The following CLEC6A variants were observed in gnomAD, a reference collection of about 807,000 sequenced individuals.
The protein encoded by CLEC6A is C-type lectin domain containing 6A, also known as C-type lectin domain family 6 member A.
Under a neutral mutation model 25.7 loss-of-function variants are expected in CLEC6A, and 22 were observed. That is an observed-to-expected ratio of 0.85 (90% CI 0.61 to 1.22). CLEC6A has a LOEUF of 1.22. Among genes scored for constraint, CLEC6A ranks in the 50% most tolerant of loss-of-function variants. The probability of loss-of-function intolerance (pLI) is 0.00; values close to 1 mark genes in which losing one functional copy is unlikely to be tolerated. For synonymous variants in CLEC6A, 92 were observed against 76.7 expected, an observed-to-expected ratio of 1.20 and a Z score of -1.04; for missense variants, 240 against 236.8, an observed-to-expected ratio of 1.01 and a Z score of -0.09.
rs144887652 is a variant in CLEC6A, at chr12:8,469,940, T to G, written c.369+4311T>G. Among the ~76,000 whole-genome samples the G allele has an allele frequency of 6.1e-3, 936 of 152,208 alleles. 5 individuals carry two copies. The highest frequency in any genetic ancestry group is 0.021 in the African/African-American group (877 of 41,532). Reference sequence around the variant, plus strand: ...TAAACAAAGATAAATAGCTGAGACTTAATTAAACTAAAAAGCTTTGCACAG... The same window carrying G: ...TAAACAAAGATAAATAGCTGAGACTGAATTAAACTAAAAAGCTTTGCACAG... On this transcript the variant is annotated intron_variant, in intron 4 of 5. Transcript: ENST00000382073.
intron 3 of CLEC6A, chr12:8,460,595 C>T (rs1309554127): frequency 1.8e-5 from 20 of 1,140,276 alleles, no homozygotes; most frequent in Middle Eastern, 5.7e-4. Context: ...TTCTGTCTGG[C>T]GGAAGCCATC....
chr12:8,467,430 C>T (rs895564363), intron 4 of CLEC6A, among the ~76,000 whole-genome samples: 2 of 152,138 alleles, frequency 1.3e-5, no homozygotes, highest in Non-Finnish European at 2.9e-5. Context: ...TTTCTAGCTC[C>T]ATTTGTTAAA....
intron 4 of CLEC6A, among the ~76,000 whole-genome samples, chr12:8,474,139 C>T (rs1939941184): frequency 6.6e-6 from 1 of 152,084 alleles, no homozygotes; most frequent in Admixed American, 6.6e-5. Flanking sequence ...GTCATAAATT[C>T]TTTCCTGAGG....
chr12:8,470,258 G>A (rs1939887633), intron 4 of CLEC6A, among the ~76,000 whole-genome samples: 1 of 152,088 alleles, frequency 6.6e-6, no homozygotes, highest in Non-Finnish European at 1.5e-5. Context: ...CTGCAAGAAT[G>A]GCCATAATCA....
At position 8,467,506 on chromosome 12, in the gene CLEC6A, G is replaced by C. The variant is rs1477010333; in HGVS notation, c.369+1877G>C. Among the ~76,000 whole-genome samples the C allele has an allele frequency of 2.7e-5, 4 of 145,708 alleles. No individual in the cohort carries two copies. In the East Asian group the frequency reaches 6.3e-4, roughly 23 times the overall value. Reference sequence around the variant, plus strand: ...TTGGAGACTATTTGACCATATATGTGAGTGTTTATTTCTGGACTCTCTATT... The same window carrying C: ...TTGGAGACTATTTGACCATATATGTCAGTGTTTATTTCTGGACTCTCTATT... On this transcript the variant is annotated intron_variant, in intron 4 of 5. Transcript: ENST00000382073.
At position 8,461,648 on chromosome 12, in the gene CLEC6A, A is replaced by C. The variant is rs757028604; in HGVS notation, c.223+1950A>C. 8.5e-5 allele frequency among the ~76,000 whole-genome samples: 13 copies of C among 152,350 alleles called. No individual in the cohort carries two copies. In the South Asian group the frequency reaches 1.5e-3, roughly 17 times the overall value. ...CAAATAAAAGTGCTCCAATTTTAAC[A>C]ACATCCTTTCAAATGATCATTACAA... On this transcript the variant is annotated intron_variant, in intron 3 of 5. Coordinates refer to ENST00000382073, the MANE Select transcript of CLEC6A (RefSeq NM_001007033.2).
intron 4 of CLEC6A, among the ~76,000 whole-genome samples, chr12:8,471,266 C>T (rs1414659190): frequency 6.6e-6 from 1 of 151,866 alleles, no homozygotes; most frequent in Non-Finnish European, 1.5e-5. Flanking sequence ...GTATCTTTTT[C>T]TAGTTTTGAT....
intron 2 of CLEC6A, among the ~76,000 whole-genome samples, 174 bp from the exon 3 acceptor site, chr12:8,459,423 T>TA (rs755236582): frequency 6.6e-6 from 1 of 151,950 alleles, no homozygotes. Context: ...GGGATATATA[T>TA]AAAAAAATAA....
rs1591711171 is a variant in CLEC6A at position 8,477,539 on chromosome 12, A to G, written c.*75A>G. On this transcript the variant is annotated 3_prime_UTR_variant, in exon 6 of 6. Coordinates refer to ENST00000382073, the MANE Select transcript of CLEC6A (RefSeq NM_001007033.2). Reference sequence around the variant, plus strand: ...CCTGACGTCTTTAAAATTGAACCCTATCATGAAATGATAATTTCTTCCTGA... The same window carrying G: ...CCTGACGTCTTTAAAATTGAACCCTGTCATGAAATGATAATTTCTTCCTGA... The G allele has an allele frequency of 8.8e-7, 1 of 1,133,516 alleles. No homozygotes were observed. The highest frequency in any genetic ancestry group is 1.6e-5 in the South Asian group (1 of 62,770). The allele number at this position is 1,133,516 out of a possible 1,614,324, so 70.2% of individuals were successfully genotyped here.
At chr12:8,465,690 G>T (rs1379516842) in intron 4 of CLEC6A, 61 bp downstream of exon 4, 1 of 1,454,918 alleles carries the variant, frequency 6.9e-7, no homozygotes. Context: ...AAAATTTACT[G>T]TCATAACCAT....
chr12:8,461,010 G>T (rs1939746980), intron 3 of CLEC6A: 11 of 1,462,452 alleles, frequency 7.5e-6, no homozygotes, highest in Non-Finnish European at 9.5e-6. Context: ...AATTTTTGGG[G>T]GTTATCCTCA....
chr12:8,459,743 A>G, intron 3 of CLEC6A, 45 bp downstream of exon 3: 1 of 1,206,238 alleles, frequency 8.3e-7, no homozygotes. Context: ...TTTCTCAGGG[A>G]GAGATCAGGG....
At chr12:8,463,457 T>A (rs1939790598) in intron 3 of CLEC6A, among the ~76,000 whole-genome samples, 1 of 152,220 alleles carries the variant, frequency 6.6e-6, no homozygotes, top group Non-Finnish European at 1.5e-5. Context: ...TGACATTAAC[T>A]GAAAAATCTT....
chr12:8,468,282 T>A (rs1479717896), intron 4 of CLEC6A, among the ~76,000 whole-genome samples: 1 of 152,188 alleles, frequency 6.6e-6, no homozygotes, highest in Non-Finnish European at 1.5e-5. Context: ...TCAATTTTCT[T>A]TTTAGATTGT....
In CLEC6A at chr12:8,459,644, C is replaced by G; in HGVS notation, c.169C>G (p.Leu57Val). Residue 57 changes from leucine to valine, a missense_variant, in exon 3 of 6, where the codon CTA (leucine) becomes GTA (valine). Coordinates refer to ENST00000382073, the MANE Select transcript of CLEC6A (RefSeq NM_001007033.2). ...TGAAACTGGCAAAAGGCTGTCTGAA[C>G]TACACTCATATCATTCAAGTCTCAC... ...YGETGKRLSE[L>V]HSYHSSLTCF... is the part of the protein sequence containing the mutation. 1 of 1,613,664 alleles carries G rather than the reference C, an allele frequency of 6.2e-7. No homozygotes were observed. Among genetic ancestry groups the G allele is most frequent in the South Asian group, 1.1e-5 (1 of 91,084 alleles).
chr12:8,461,333 A>G (rs1939750941), intron 3 of CLEC6A: 1 of 495,806 alleles, frequency 2.0e-6, no homozygotes, highest in African/African-American at 1.9e-5. Context: ...TAAAGTGCAT[A>G]GTTTTCTTCT....
intron 4 of CLEC6A, among the ~76,000 whole-genome samples, chr12:8,471,588 T>G (rs986517322): frequency 6.6e-6 from 1 of 152,106 alleles, no homozygotes; most frequent in African/African-American, 2.4e-5. Context: ...CAGTAGTCTC[T>G]TATAATCCCT....
At chr12:8,468,390 G>T (rs1428444627) in intron 4 of CLEC6A, among the ~76,000 whole-genome samples, 1 of 152,100 alleles carries the variant, frequency 6.6e-6, no homozygotes, top group Non-Finnish European at 1.5e-5. Flanking sequence ...ATTTTTTGTT[G>T]AATATTTAGG....
At chr12:8,457,863 T>G (rs1939698142) in intron 1 of CLEC6A, 35 bp from the exon 2 acceptor site, 1 of 1,538,576 alleles carries the variant, frequency 6.5e-7, no homozygotes, top group Non-Finnish European at 9.0e-7. Flanking sequence ...CCTGGCCCCC[T>G]GGTAACTGCA....
Sources: allele counts gnomAD v4.1 joint callset (sites outside exome capture counted in the v4.1 genomes callset), GRCh38; gene constraint gnomAD v4.1.1; transcripts MANE v1.5; gene names NCBI Gene and HGNC (gene_info 2026-07-23, HGNC 2026-07-21).